Variants in ZNF782 observed in about 807,000 individuals in gnomAD.
ZNF782 encodes zinc finger protein 782.
A neutral mutation model predicts 13.0 loss-of-function variants in ZNF782; 12 were observed. The observed-to-expected ratio is 0.92, with a 90% CI of 0.59 to 1.50. The LOEUF (loss-of-function observed/expected upper bound fraction) is 1.50. Ranked by LOEUF, ZNF782 falls within the 40% of genes most tolerant of loss-of-function variation. The pLI, the probability that ZNF782 is intolerant of heterozygous loss-of-function variation, is 0.00. For missense variants in ZNF782, 770 were observed against 822.9 expected, an observed-to-expected ratio of 0.94 and a Z score of 0.79; for synonymous variants, 284 against 283.0, an observed-to-expected ratio of 1.00 and a Z score of -0.04.
chr9:96,862,572 G>A (rs1851713460), intron 1 of ZNF782, among the ~76,000 whole-genome samples: 1 of 152,164 alleles, frequency 6.6e-6, no homozygotes, highest in Non-Finnish European at 1.5e-5. Flanking sequence ...GTGAAGCGAG[G>A]CTTCTTGTGA....
the ZNF782 span, among the ~76,000 whole-genome samples, chr9:96,908,386 T>G: frequency 6.6e-6 from 1 of 152,284 alleles, no homozygotes; most frequent in Non-Finnish European, 1.5e-5. Flanking sequence ...AGTAAATTTT[T>G]GACAAAGGAA....
chr9:96,823,597 G>A (rs551475058), intron 5 of ZNF782, among the ~76,000 whole-genome samples: 3 of 152,172 alleles, frequency 2.0e-5, no homozygotes, highest in Non-Finnish European at 2.9e-5. Context: ...AAGAGATAAA[G>A]TATAGGGTAA....
chr9:96,895,800 T>C, the ZNF782 span: 3 of 152,104 alleles, frequency 2.0e-5, no homozygotes, highest in African/African-American at 4.8e-5. Flanking sequence ...TGCAGAATAA[T>C]TGGAATAGAC....
intron 4 of ZNF782, among the ~76,000 whole-genome samples, chr9:96,828,341 G>C (rs992461423): frequency 1.3e-5 from 2 of 152,222 alleles, no homozygotes; most frequent in African/African-American, 4.8e-5. Flanking sequence ...ACCTTGAAAT[G>C]ATCGAACTAA....
upstream of ZNF782, among the ~76,000 whole-genome samples, chr9:96,878,649 T>A (rs1405361317): frequency 2.0e-5 from 3 of 152,380 alleles, no homozygotes; most frequent in African/African-American, 7.2e-5. Flanking sequence ...TTCTGTTCCT[T>A]AACTACATTG....
chr9:96,860,037 T>C (rs1322615491), intron 3 of ZNF782, among the ~76,000 whole-genome samples: 1 of 151,970 alleles, frequency 6.6e-6, no homozygotes, highest in Non-Finnish European at 1.5e-5. Context: ...CTACCCTGCC[T>C]GGGGAGAGGG....
In ZNF782 at chr9:96,818,084, T is replaced by C. The variant is rs1162033233; in HGVS notation, c.1939A>G (p.Asn647Asp). 2 of 1,613,598 alleles carry C rather than the reference T, an allele frequency of 1.2e-6. No homozygotes were observed. Among genetic ancestry groups the C allele is most frequent in the Non-Finnish European group, 1.7e-6 (2 of 1,179,874 alleles). ...AAAGCTTCCCCACACTGATTACAAT[T>C]ATATGGTTTCTCCCCGGTGTGAGTT... The part of the protein sequence containing the change: ...QRTHTGEKPY[N>D]CNQCGEAFSQ... Residue 647 changes from asparagine to aspartate, a missense_variant, in exon 6 of 6, where the codon AAT (asparagine) becomes GAT (aspartate). Coordinates refer to ENST00000481138, the MANE Select transcript of ZNF782 (RefSeq NM_001001662.3).
upstream of ZNF782, among the ~76,000 whole-genome samples, chr9:96,878,095 C>G (rs187301517): frequency 6.6e-6 from 1 of 152,352 alleles, no homozygotes; most frequent in Admixed American, 6.5e-5. Context: ...GTTGCCCAAG[C>G]TGGAGTGCAA....
At chr9:96,877,591 C>A (rs1410500431), upstream of ZNF782, among the ~76,000 whole-genome samples, 1 of 152,248 alleles carries the variant, frequency 6.6e-6, no homozygotes, top group Non-Finnish European at 1.5e-5. Context: ...AGCGCGTCCT[C>A]AGGCTTCGCT....
chr9:96,902,606 C>T, the ZNF782 span, among the ~76,000 whole-genome samples: 2 of 134,420 alleles, frequency 1.5e-5, no homozygotes, highest in Non-Finnish European at 3.0e-5. Context: ...AAAACAATGT[C>T]ATTCTTCTCA....
the ZNF782 span, among the ~76,000 whole-genome samples, chr9:96,896,880 G>A: frequency 6.6e-6 from 1 of 152,212 alleles, no homozygotes; most frequent in African/African-American, 2.4e-5. Context: ...GTGGACCCTA[G>A]AACTGTGGAG....
chr9:96,882,743 C>T, the ZNF782 span, among the ~76,000 whole-genome samples: 1 of 152,042 alleles, frequency 6.6e-6, no homozygotes, highest in Non-Finnish European at 1.5e-5. Context: ...ATTTTAGTTA[C>T]GTCTTATTGT....
chr9:96,833,941 T>C (rs1388115394), intron 4 of ZNF782, among the ~76,000 whole-genome samples: 3 of 152,238 alleles, frequency 2.0e-5, no homozygotes, highest in South Asian at 2.1e-4. Flanking sequence ...GATCTTTCAG[T>C]TGGCTCCCCT....
chr9:96,907,650 T>C, the ZNF782 span, among the ~76,000 whole-genome samples: 2 of 150,704 alleles, frequency 1.3e-5, no homozygotes, highest in Non-Finnish European at 2.9e-5. Context: ...TGTGTGTGTG[T>C]GTGTGTAAGA....
At chr9:96,827,767 T>A (rs951031464) in intron 4 of ZNF782, among the ~76,000 whole-genome samples, 3 of 152,102 alleles carry the variant, frequency 2.0e-5, no homozygotes, top group African/African-American at 7.2e-5. Context: ...CTGATTTCCA[T>A]AACAGACAAC....
At chr9:96,918,788 T>C in the ZNF782 span, 2 of 168,210 alleles carry the variant, frequency 1.2e-5, no homozygotes, top group Non-Finnish European at 2.5e-5. Context: ...TTGGCCTCAG[T>C]TCCCAGGCTG....
chr9:96,868,473 C>T (rs781484110), intron 1 of ZNF782, among the ~76,000 whole-genome samples: 51 of 152,204 alleles, frequency 3.4e-4, no homozygotes, highest in Non-Finnish European at 2.2e-4. Context: ...GAACAACTGA[C>T]GACCCTACCA....
chr9:96,930,851 TGGGCGAGTTTCCATCCAGTGG>T, the ZNF782 span, among the ~76,000 whole-genome samples: 1 of 143,818 alleles, frequency 7.0e-6, no homozygotes, highest in Non-Finnish European at 1.5e-5. Context: ...GGCGCTGGCT[TGGGCGAGTTTCCATCCAGTGG>T]TTTTTTTTTT....
chr9:96,876,042 C>T (rs889672037), upstream of ZNF782, among the ~76,000 whole-genome samples: 26 of 152,324 alleles, frequency 1.7e-4, no homozygotes, highest in African/African-American at 5.5e-4. Context: ...GACTGCCTCG[C>T]CTGGCCAGGT....
Sources: allele counts gnomAD v4.1 joint callset (sites outside exome capture counted in the v4.1 genomes callset), GRCh38; gene constraint gnomAD v4.1.1; transcripts MANE v1.5; gene names NCBI Gene and HGNC (gene_info 2026-07-23, HGNC 2026-07-21).